LYZL4: variants seen among roughly 807,000 people sequenced by gnomAD.
LYZL4 encodes lysozyme-like protein 4.
LYZL4 carries 13 observed loss-of-function variants against 17.6 expected under a neutral mutation model. The observed-to-expected ratio is 0.74, with a 90% CI of 0.48 to 1.18. The LOEUF (loss-of-function observed/expected upper bound fraction) is 1.18. LYZL4 is among the 50% of genes most tolerant of loss of function. LYZL4 has a pLI of 0.00. For synonymous variants in LYZL4, 64 were observed against 67.7 expected (o/e 0.95, Z 0.27); for missense variants, 174 against 188.2 (o/e 0.92, Z 0.44).
chr3:42,406,186 G>A (rs1698744610), intron 3 of LYZL4, among the ~76,000 whole-genome samples: 1 of 152,130 alleles, frequency 6.6e-6, no homozygotes, highest in African/African-American at 2.4e-5. Context: ...AGGAGCGGTG[G>A]CTCACGCCTG....
intron 4 of LYZL4, among the ~76,000 whole-genome samples, chr3:42,402,236 T>G (rs1406505000): frequency 6.6e-6 from 1 of 150,540 alleles, no homozygotes; most frequent in Non-Finnish European, 1.5e-5. Context: ...AGCCCAGGAG[T>G]TCCAGGCTAC....
At chr3:42,376,314 G>GCC in the LYZL4 span, among the ~76,000 whole-genome samples, 9 of 151,972 alleles carry the variant, frequency 5.9e-5, no homozygotes, top group Non-Finnish European at 1.5e-5. Flanking sequence ...CATTGTTGGT[G>GCC]CCCCCCCACC....
At chr3:42,406,727 G>T in intron 3 of LYZL4, 119 bp downstream of exon 3, 1 of 1,285,786 alleles carries the variant, frequency 7.8e-7, no homozygotes, top group Non-Finnish European at 1.1e-6. Context: ...CCTGGATATG[G>T]CTCCTGCCAC....
the LYZL4 span, among the ~76,000 whole-genome samples, chr3:42,376,536 G>A: frequency 1.3e-5 from 2 of 152,204 alleles, no homozygotes; most frequent in African/African-American, 4.8e-5. Context: ...GTCCCTCAGT[G>A]GTTGTTTATT....
chr3:42,394,488 C>T (rs1698525741), downstream of LYZL4, among the ~76,000 whole-genome samples: 1 of 152,060 alleles, frequency 6.6e-6, no homozygotes, highest in Non-Finnish European at 1.5e-5. Flanking sequence ...TCATAAGTAC[C>T]TTAGGAGGTT....
chr3:42,407,236 C>G lies in LYZL4; in HGVS notation c.16G>C (p.Val6Leu). The stretch of plus-strand genomic sequence containing the variant: ...ACCAGGTAGCCAAGGAGGGAGAGAA[C>G]CACGGATGCCTTCATCTTCTCCAGG... MKASV[V>L]LSLLGYLVVP... The change falls in exon 2 of 5, where the codon GTT (valine) becomes CTT (leucine). Residue 6 changes from valine (V) to leucine (L), a missense_variant. Transcript: ENST00000287748. 1.4e-5 allele frequency: 22 copies of G among 1,614,130 alleles called. No individual in the cohort carries two copies. The highest frequency in any genetic ancestry group is 1.9e-5 in the Non-Finnish European group (22 of 1,180,040).
At chr3:42,361,831 C>T in the LYZL4 span, among the ~76,000 whole-genome samples, 2 of 152,194 alleles carry the variant, frequency 1.3e-5, no homozygotes, top group Admixed American at 1.3e-4. Flanking sequence ...CCCTTTGCCC[C>T]ACAAATACAC....
the LYZL4 span, among the ~76,000 whole-genome samples, chr3:42,381,206 T>A: frequency 6.6e-6 from 1 of 152,236 alleles, no homozygotes; most frequent in African/African-American, 2.4e-5. Flanking sequence ...TGATAAAAGC[T>A]AATTGATGCA....
chr3:42,364,474 C>G, the LYZL4 span, among the ~76,000 whole-genome samples: 6 of 151,670 alleles, frequency 4.0e-5, no homozygotes, highest in African/African-American at 1.5e-4. Context: ...TCCCAAGTAG[C>G]TGGGATTACA....
chr3:42,410,073 G>A (rs542055407), intron 1 of LYZL4, among the ~76,000 whole-genome samples: 5 of 152,252 alleles, frequency 3.3e-5, no homozygotes, highest in African/African-American at 7.2e-5. Flanking sequence ...CCCCATCAAA[G>A]AAGACGGTCT....
the LYZL4 span, among the ~76,000 whole-genome samples, chr3:42,362,156 A>G: frequency 2.6e-5 from 4 of 152,202 alleles, no homozygotes; most frequent in Non-Finnish European, 4.4e-5. Flanking sequence ...AAAAATATTA[A>G]TTGCTGCCCT....
chr3:42,397,262 T>C lies in LYZL4; in HGVS notation c.*3A>G, dbSNP rs13054. 916,639 of 1,555,700 alleles carry C rather than the reference T, an allele frequency of 0.59. 274,646 individuals carry two copies. The highest frequency in any genetic ancestry group is 0.84 in the African/African-American group (61,292 of 73,372). On this transcript the variant is annotated 3_prime_UTR_variant, in exon 5 of 5. Coordinates refer to ENST00000287748, the MANE Select transcript of LYZL4 (RefSeq NM_144634.4). ...GTGAGTGCTGCAGGGGCCATGCAGG[T>C]GGCTACAGCTTGCAACCATCCAGCC...
At chr3:42,405,950 C>T (rs1169296567) in intron 3 of LYZL4, among the ~76,000 whole-genome samples, 1 of 152,104 alleles carries the variant, frequency 6.6e-6, no homozygotes, top group Non-Finnish European at 1.5e-5. Context: ...AGTTAACAAG[C>T]ACAAGAATGG....
chr3:42,406,772 C>T, intron 3 of LYZL4, 74 bp downstream of exon 3: 1 of 1,572,336 alleles, frequency 6.4e-7, no homozygotes, highest in African/African-American at 1.3e-5. Context: ...AAACTCTGGC[C>T]ATTTGGAAGG....
chr3:42,374,441 A>G, the LYZL4 span, among the ~76,000 whole-genome samples: 1 of 152,182 alleles, frequency 6.6e-6, no homozygotes. Flanking sequence ...CTGTAGTCAG[A>G]ATTTTCATCC....
At chr3:42,390,803 A>C in the LYZL4 span, among the ~76,000 whole-genome samples, 1 of 152,188 alleles carries the variant, frequency 6.6e-6, no homozygotes, top group Non-Finnish European at 1.5e-5. Context: ...GGCTGATACC[A>C]TGGGATGTAT....
the LYZL4 span, among the ~76,000 whole-genome samples, chr3:42,383,481 T>C: frequency 6.6e-6 from 1 of 151,096 alleles, no homozygotes; most frequent in Non-Finnish European, 1.5e-5. Flanking sequence ...ACTCTTTATA[T>C]TATGTGCTTA....
the LYZL4 span, among the ~76,000 whole-genome samples, chr3:42,361,815 C>G: frequency 2.2e-4 from 34 of 152,188 alleles, no homozygotes; most frequent in Non-Finnish European, 4.3e-4. Context: ...AGAGATTTCT[C>G]CTATACCCTT....
At chr3:42,381,351 C>T in the LYZL4 span, among the ~76,000 whole-genome samples, 1 of 151,988 alleles carries the variant, frequency 6.6e-6, no homozygotes, top group Non-Finnish European at 1.5e-5. Flanking sequence ...ATCAATTCAT[C>T]GAAAGAAAGT....
Sources: gnomAD v4.1 joint callset for allele counts (sites outside exome capture counted in the v4.1 genomes callset) on GRCh38, gnomAD v4.1.1 for gene constraint, MANE v1.5 for transcripts, NCBI Gene and HGNC (gene_info 2026-07-23, HGNC 2026-07-21) for gene names.